WDR86: variants seen among roughly 807,000 people sequenced by gnomAD.
WDR86 encodes the protein WD repeat domain 86, also known as WD repeat-containing protein 86.
Under a neutral mutation model 36.5 loss-of-function variants are expected in WDR86, and 30 were observed. The ratio of observed to expected loss-of-function variants is 0.82; its 90% CI spans 0.61 to 1.11. The LOEUF (loss-of-function observed/expected upper bound fraction) is 1.11. Ranked by LOEUF, WDR86 falls within the 50% of genes most tolerant of loss-of-function variation. The pLI is 0.00. For synonymous variants in WDR86, 255 were observed against 252.9 expected (o/e 1.01, Z -0.08); for missense variants, 545 against 561.2 (o/e 0.97, Z 0.29).
downstream of WDR86, chr7:151,374,530 A>G (rs554418629): frequency 3.6e-4 from 180 of 498,050 alleles, no homozygotes; most frequent in African/African-American, 2.9e-3. Context: ...TGTGTGCAGC[A>G]GAGTTTAGTG....
Position 151,381,779 on chromosome 7 carries a change from G to A in WDR86, c.967-33C>T. ...CGCAGGGGCGGGCGTCACCGGTGAC[G>A]CGGTAGGCGGGGGGGACACCGCTGC... is the stretch of plus-strand genomic sequence containing the variant. On this transcript the variant is annotated intron_variant, in intron 5 of 5. Coordinates refer to ENST00000334493, the MANE Select transcript of WDR86 (RefSeq NM_198285.3). The surrounding 1 kb of genome is among the most constrained non-coding windows in gnomAD (Gnocchi z 4.8). The A allele has an allele frequency of 1.3e-6, 2 of 1,488,692 alleles. No homozygotes were observed. Among genetic ancestry groups the A allele is most frequent in the South Asian group, 1.3e-5 (1 of 75,454 alleles). 92.2% of individuals were successfully genotyped at this position (1,488,692 alleles called of 1,614,324 possible).
At chr7:151,410,409 C>T (rs73154812), upstream of WDR86, 19,966 of 152,370 alleles carry the variant, frequency 0.13, 1,361 homozygotes, top group Middle Eastern at 0.17. Context: ...GCCCTAAGGA[C>T]TCTGCCCGAG....
rs767909587 is a variant in WDR86, at chr7:151,381,873, C to T, written c.966+5G>A. 14 of 1,606,600 alleles carry T rather than the reference C, an allele frequency of 8.7e-6. No homozygotes were observed. The East Asian group carries it at 2.9e-4, about 34-fold the overall frequency. ...GGCGGCCCCGAGAAGGGCAGAGGGACCTACCTGGATGCAGTTGATGATGAA... is the reference window on the plus strand; with the variant it reads ...GGCGGCCCCGAGAAGGGCAGAGGGATCTACCTGGATGCAGTTGATGATGAA... On this transcript the variant is annotated splice_donor_5th_base_variant and intron_variant, in intron 5 of 5. Coordinates refer to ENST00000334493, the MANE Select transcript of WDR86 (RefSeq NM_198285.3). This position sits in a 1 kb window ranked among gnomAD's most constrained non-coding sequence, Gnocchi z 4.8.
Position 151,409,442 on chromosome 7 carries a change from A to G in WDR86, c.148T>C (p.Cys50Arg). ...RLWSTADGQC[C>R]ALLQGHESYV... ...GAGGGTCTACCTTGCAGGAGCGCGC[A>G]GCACTGGCCGTCCGCGGTGCTCCAG... The change falls in exon 1 of 6, where the codon TGC becomes CGC. Residue 50 changes from cysteine to arginine, a missense_variant. Transcript: ENST00000334493. The surrounding 1 kb of genome is among the most constrained non-coding windows in gnomAD (Gnocchi z 5.2). 1.3e-6 allele frequency: 2 copies of G among 1,548,986 alleles called. No homozygotes were observed. Among genetic ancestry groups the G allele is most frequent in the Non-Finnish European group, 1.7e-6 (2 of 1,152,266 alleles).
chr7:151,373,225 CACTTA>C (rs1174386753), downstream of WDR86, among the ~76,000 whole-genome samples: 6 of 152,182 alleles, frequency 3.9e-5, no homozygotes, highest in Non-Finnish European at 7.3e-5. Context: ...TGTAGCAAGT[CACTTA>C]ACTTTGTTGA....
chr7:151,374,441 T>C (rs888576473), downstream of WDR86: 2 of 704,572 alleles, frequency 2.8e-6, no homozygotes, highest in Admixed American at 4.7e-5. Flanking sequence ...TGCTCAGTGC[T>C]TGGCCCAGGC....
downstream of WDR86, chr7:151,376,690 A>T (rs1798290235): frequency 1.9e-6 from 3 of 1,610,820 alleles, no homozygotes; most frequent in Admixed American, 5.0e-5. Flanking sequence ...GAGTGTTCAG[A>T]GGCAACGTCC....
chr7:151,401,438 C>G lies in WDR86; in HGVS notation c.164-1197G>C, dbSNP rs1334998866. 6.6e-6 allele frequency among the ~76,000 whole-genome samples: 1 copy of G among 152,190 alleles called. No individual in the cohort carries two copies. The highest frequency in any genetic ancestry group is 1.5e-5 in the Non-Finnish European group (1 of 68,036). On this transcript the variant is annotated intron_variant, in intron 1 of 5. Coordinates refer to ENST00000334493, the MANE Select transcript of WDR86 (RefSeq NM_198285.3). This position sits in a 1 kb window ranked among gnomAD's most constrained non-coding sequence, Gnocchi z 4.3. ...TCTCCTTCCCTCCTCATTTCTTTATCATCTCCTTTTAGTCTTTTTCAAACC... is the reference window on the plus strand; with the variant it reads ...TCTCCTTCCCTCCTCATTTCTTTATGATCTCCTTTTAGTCTTTTTCAAACC...
chr7:151,378,948 G>A (rs1277688339), downstream of WDR86, among the ~76,000 whole-genome samples: 1 of 152,228 alleles, frequency 6.6e-6, no homozygotes, highest in East Asian at 1.9e-4. Flanking sequence ...CTGGGCATGC[G>A]CTATGTCCAG....
chr7:151,370,601 G>C, the WDR86 span, among the ~76,000 whole-genome samples: 2 of 151,286 alleles, frequency 1.3e-5, no homozygotes, highest in African/African-American at 4.9e-5. Flanking sequence ...GTGCAGGTTA[G>C]TTACATATGT....
At chr7:151,397,632 G>GGGAGGAAGGGGGTGTAGCA (rs1799923012) in intron 2 of WDR86, among the ~76,000 whole-genome samples, 1 of 77,006 alleles carries the variant, frequency 1.3e-5, no homozygotes, top group African/African-American at 4.4e-5. Flanking sequence ...AGGGTGTAGC[G>GGGAGGAAGGGGGTGTAGCA]GGAGGAAGGG....
intron 1 of WDR86, among the ~76,000 whole-genome samples, chr7:151,408,012 A>G (rs894361788): frequency 1.3e-5 from 2 of 151,754 alleles, no homozygotes; most frequent in African/African-American, 4.8e-5. Flanking sequence ...TTTCTAAAAG[A>G]CCTCATATTT....
At position 151,401,698 on chromosome 7, in the gene WDR86, G is replaced by GACGAGGT. The variant is rs1350076754; in HGVS notation, c.164-1464_164-1458dup. 2.0e-5 allele frequency among the ~76,000 whole-genome samples: 3 copies of GACGAGGT among 152,096 alleles called. No homozygotes were observed. The highest frequency in any genetic ancestry group is 7.2e-5 in the African/African-American group (3 of 41,416). ...CTTGGAAAGGGGTCTTTGTGGATGT[G>GACGAGGT]ACGAGGTAAAGACTTTGACTGGGGA... On this transcript the variant is annotated intron_variant, in intron 1 of 5. Transcript: ENST00000334493. The surrounding 1 kb of genome is among the most constrained non-coding windows in gnomAD (Gnocchi z 4.3).
At position 151,409,421 on chromosome 7, in the gene WDR86, G is replaced by A. The variant is rs1199079217; in HGVS notation, c.163+6C>T. The stretch of plus-strand genomic sequence containing the variant: ...AAGAGGTCAGGGAGGGAGTGGGAGG[G>A]TCTACCTTGCAGGAGCGCGCAGCAC... On this transcript the variant is annotated splice_donor_region_variant and intron_variant, in intron 1 of 5. Transcript: ENST00000334493. This position sits in a 1 kb window ranked among gnomAD's most constrained non-coding sequence, Gnocchi z 5.2. 10 of 1,554,988 alleles carry A rather than the reference G, an allele frequency of 6.4e-6. No individual in the cohort carries two copies. The highest frequency in any genetic ancestry group is 8.7e-6 in the Non-Finnish European group (10 of 1,153,960).
In WDR86 at chr7:151,381,914, C is replaced by T; in HGVS notation, c.930G>A (p.Val310=). 6.2e-7 allele frequency: 1 copy of T among 1,610,598 alleles called. No individual in the cohort carries two copies. The highest frequency in any genetic ancestry group is 1.1e-5 in the South Asian group (1 of 90,614). ...TGATGATGAATGTGTGGCCCCGGAA[C>T]ACCCTCCGCAGCTCTCCAGACTGCG... ...FDAQSGELRR[V]FRGHTFIINC... Residue 310 remains valine (V), a synonymous_variant, in exon 5 of 6, where the codon GTG becomes GTA. Transcript: ENST00000334493. The surrounding 1 kb of genome is among the most constrained non-coding windows in gnomAD (Gnocchi z 4.8).
At position 151,396,142 on chromosome 7, in the gene WDR86, C is replaced by A; in HGVS notation, c.360G>T (p.Arg120=). 6.2e-7 allele frequency: 1 copy of A among 1,612,964 alleles called. No homozygotes were observed. Among genetic ancestry groups the A allele is most frequent in the Non-Finnish European group, 8.5e-7 (1 of 1,179,892 alleles). Residue 120 remains arginine (R), a synonymous_variant, in exon 3 of 6, where the codon CGG becomes CGT. Transcript: ENST00000334493. ...TCTGCCCCTTGTCCACACTCCAGAC[C>A]CGAGCTGTCCGGTCATAGGAGCTGC... ...LFSSSYDRTA[R]VWSVDKGQMS...
Position 151,381,336 on chromosome 7 carries a change from GGGGA to G in WDR86, c.*242_*245del, listed in dbSNP as rs558648916. On this transcript the variant is annotated 3_prime_UTR_variant, in exon 6 of 6. Transcript: ENST00000334493. The surrounding 1 kb of genome is among the most constrained non-coding windows in gnomAD (Gnocchi z 4.8). Reference sequence around the variant, plus strand: ...CTAGGCCTTTCGCCAGGTCAGGGATGGGGAGGGAGGACAGGAGCCACCCTAAAAG... The same window carrying G: ...CTAGGCCTTTCGCCAGGTCAGGGATGGGGAGGACAGGAGCCACCCTAAAAG... 7 of 1,384,582 alleles carry G rather than the reference GGGGA, an allele frequency of 5.1e-6. No homozygotes were observed. The South Asian group carries it at 1.1e-4, about 22-fold the overall frequency. 85.8% of individuals were successfully genotyped at this position (1,384,582 alleles called of 1,614,324 possible). A position where few individuals can be genotyped will look rare whatever the true frequency, so the allele number is the denominator to read the frequency against.
chr7:151,391,489 G>A (rs538716896), intron 3 of WDR86, among the ~76,000 whole-genome samples: 2 of 152,154 alleles, frequency 1.3e-5, no homozygotes, highest in East Asian at 1.9e-4. Flanking sequence ...CCCTTCTGTG[G>A]GTCGCATGGC....
Position 151,405,414 on chromosome 7 carries a change from C to T in WDR86, c.163+4013G>A, listed in dbSNP as rs905087892. Among the ~76,000 whole-genome samples the T allele has an allele frequency of 5.3e-5, 8 of 152,190 alleles. No individual in the cohort carries two copies. Among genetic ancestry groups the T allele is most frequent in the African/African-American group, 1.9e-4 (8 of 41,452 alleles). On this transcript the variant is annotated intron_variant, in intron 1 of 5. Coordinates refer to ENST00000334493, the MANE Select transcript of WDR86 (RefSeq NM_198285.3). The surrounding 1 kb of genome is among the most constrained non-coding windows in gnomAD (Gnocchi z 4.7). ...CAGAAGAGGTGACAGCCTTGCTGTT[C>T]CGAGCCACGGCCACTGTGGTTCCCT...
Sources: gnomAD v4.1 joint callset for allele counts (sites outside exome capture counted in the v4.1 genomes callset) on GRCh38, gnomAD v4.1.1 for gene constraint, Gnocchi (gnomAD v3.1) non-coding constraint, MANE v1.5 for transcripts, NCBI Gene and HGNC (gene_info 2026-07-23, HGNC 2026-07-21) for gene names.